PHF13: variants seen among roughly 807,000 people sequenced by gnomAD.
The protein encoded by PHF13 is PHD finger protein 13.
Under a neutral mutation model 25.8 loss-of-function variants are expected in PHF13, and 1 was observed. The ratio of observed to expected loss-of-function variants is 0.04; its 90% CI spans 0.01 to 0.18. The LOEUF (loss-of-function observed/expected upper bound fraction) is 0.18, where lower values mean the gene tolerates loss of function less well. Among genes scored for constraint, PHF13 ranks in the 10% least tolerant of loss-of-function variants. PHF13 has a pLI of 1.00. For missense variants in PHF13, 306 were observed against 403.2 expected (o/e 0.76, Z 2.06); for synonymous variants, 195 against 162.4 (o/e 1.20, Z -1.53).
chr1:6,616,850 C>T lies in PHF13; in HGVS notation c.133C>T (p.Pro45Ser), dbSNP rs1221999951. The T allele has an allele frequency of 6.2e-7, 1 of 1,613,392 alleles. No individual in the cohort carries two copies. The highest frequency in any genetic ancestry group is 8.5e-7 in the Non-Finnish European group (1 of 1,179,454). Residue 45 changes from proline to serine, a missense_variant, in exon 2 of 4, where the codon CCG becomes TCG. By Grantham distance (74) the Pro-to-Ser change is moderately conservative. Coordinates refer to ENST00000377648, the MANE Select transcript of PHF13 (RefSeq NM_153812.3). ...GGCCTATGCTGGCTACATCCCTTAT[C>T]CGAAGGAGGTAATCTTCTGAGTTTC... The part of the protein sequence containing the change: ...VLAYAGYIPY[P>S]KEELPLRSSP...
chr1:6,614,975 C>A (rs1273332724), intron 1 of PHF13, among the ~76,000 whole-genome samples: 2 of 151,492 alleles, frequency 1.3e-5, no homozygotes, highest in Non-Finnish European at 3.0e-5. Flanking sequence ...CAGGGCCTCC[C>A]CAGGCCTGGG....
chr1:6,617,440 T>TTTTG (rs763901606), intron 2 of PHF13, among the ~76,000 whole-genome samples: 7 of 149,692 alleles, frequency 4.7e-5, no homozygotes, highest in Admixed American at 2.7e-4. Context: ...TGCTTGCTCT[T>TTTTG]TTTGTTTGTT....
chr1:6,619,739 G>A (rs950815905), intron 2 of PHF13, 64 bp from the exon 3 acceptor site: 36 of 1,498,474 alleles, frequency 2.4e-5, no homozygotes, highest in Non-Finnish European at 3.2e-5. Context: ...GGTGGCTGGG[G>A]ATGCTCTGCT....
Position 6,620,345 on chromosome 1 carries a change from G to A in PHF13, c.676+8G>A, listed in dbSNP as rs762631147. On this transcript the variant is annotated splice_region_variant and intron_variant, in intron 3 of 3. Coordinates refer to ENST00000377648, the MANE Select transcript of PHF13 (RefSeq NM_153812.3). The stretch of plus-strand genomic sequence containing the variant: ...ACATCATGGTGGACTCAGGTGAGTG[G>A]TCCCTGAAGGATGATGACCCTTGTT... The A allele has an allele frequency of 6.2e-7, 1 of 1,606,568 alleles. No homozygotes were observed. Among genetic ancestry groups the A allele is most frequent in the South Asian group, 1.1e-5 (1 of 90,306 alleles).
At position 6,614,304 on chromosome 1, in the gene PHF13, G is replaced by T. The variant is rs1262666059; in HGVS notation, c.39+199G>T. 2.5e-5 allele frequency: 13 copies of T among 526,306 alleles called. No homozygotes were observed. In the African/African-American group the frequency reaches 2.9e-4, roughly 12 times the overall value. 32.6% of individuals were successfully genotyped at this position (526,306 alleles called of 1,614,324 possible). ...CCTCTCCGCCGGGCCTCGCCTCCGCGTCCCCTCCGCGGACCTCCGCGTCCT... is the reference window on the plus strand; with the variant it reads ...CCTCTCCGCCGGGCCTCGCCTCCGCTTCCCCTCCGCGGACCTCCGCGTCCT... On this transcript the variant is annotated intron_variant, in intron 1 of 3. Transcript: ENST00000377648.
Position 6,619,972 on chromosome 1 carries a change from G to C in PHF13, c.311G>C (p.Ser104Thr), listed in dbSNP as rs762960418. The C allele has an allele frequency of 6.2e-7, 1 of 1,613,754 alleles. No individual in the cohort carries two copies. The highest frequency in any genetic ancestry group is 2.2e-5 in the East Asian group (1 of 44,848). ...ACTCTCTTGCAGCGAGCCAAGCCCA[G>C]TAACTTCCTGCTGGACAGAAAGAAA... ...QPTLLQRAKP[S>T]NFLLDRKKTD... Residue 104 changes from serine to threonine, a missense_variant, in exon 3 of 4, where the codon AGT (serine) becomes ACT (threonine). Coordinates refer to ENST00000377648, the MANE Select transcript of PHF13 (RefSeq NM_153812.3).
rs754356261 is a variant in PHF13, at chr1:6,621,673, G to A, written c.*36G>A. 16 of 1,602,664 alleles carry A rather than the reference G, an allele frequency of 1.0e-5. No homozygotes were observed. The South Asian group carries it at 1.2e-4, about 12-fold the overall frequency. On this transcript the variant is annotated 3_prime_UTR_variant, in exon 4 of 4. Transcript: ENST00000377648. The surrounding 1 kb of genome is among the most constrained non-coding windows in gnomAD (Gnocchi z 4.8). ...GCGAGGAGGCTGCGAGCGTGGAATC[G>A]GAAGCGACCGCGGGCTTTTTTGCCC...
chr1:6,615,001 C>T (rs913084579), intron 1 of PHF13, among the ~76,000 whole-genome samples: 17 of 150,758 alleles, frequency 1.1e-4, no homozygotes, highest in East Asian at 9.8e-4. Context: ...GGAATCCTGC[C>T]TGGCGCACCC....
At chr1:6,616,996 C>G (rs1194870679) in intron 2 of PHF13, 138 bp downstream of exon 2, 1 of 657,852 alleles carries the variant, frequency 1.5e-6, no homozygotes, top group Non-Finnish European at 2.7e-6. Context: ...AGTCACTAGT[C>G]TGGCAGAAAT....
chr1:6,620,262 G>A lies in PHF13; in HGVS notation c.601G>A (p.Val201Ile), dbSNP rs1001489005. Residue 201 changes from valine (V) to isoleucine (I), a missense_variant, in exon 3 of 4, where the codon GTC becomes ATC. Physicochemically the swap from Val to Ile is conservative, Grantham distance 29. Transcript: ENST00000377648. ...AAAAACTGAAGGCAAACGGACTATC[G>A]TCCGGCAGGGAAAGCAGGTGGTGTT... Reference protein sequence around the residue: ...EIKTEGKRTIVRQGKQVVFRD... With the variant: ...EIKTEGKRTIIRQGKQVVFRD... The A allele has an allele frequency of 6.2e-6, 10 of 1,613,798 alleles. No individual in the cohort carries two copies. Among genetic ancestry groups the A allele is most frequent in the Middle Eastern group, 1.6e-4 (1 of 6,084 alleles).
chr1:6,617,727 C>T (rs927592711), intron 2 of PHF13, among the ~76,000 whole-genome samples: 4 of 152,202 alleles, frequency 2.6e-5, no homozygotes, highest in Admixed American at 6.5e-5. Context: ...CTGCACCTGG[C>T]TGTCTGCTTG....
chr1:6,619,713 A>G, intron 2 of PHF13, 90 bp from the exon 3 acceptor site: 1 of 1,308,950 alleles, frequency 7.6e-7, no homozygotes, highest in Admixed American at 2.2e-5. Flanking sequence ...ATGTCTCTGG[A>G]GGTCTGACAT....
intron 1 of PHF13, among the ~76,000 whole-genome samples, chr1:6,616,326 G>A (rs867187811): frequency 2.0e-5 from 3 of 152,118 alleles, no homozygotes; most frequent in Admixed American, 6.5e-5. Context: ...CGCGCCCGGC[G>A]AGTGGTTGAT....
rs1327720797 is a variant in PHF13, at chr1:6,613,959, G to A, written c.-108G>A. On this transcript the variant is annotated 5_prime_UTR_variant, in exon 1 of 4. Coordinates refer to ENST00000377648, the MANE Select transcript of PHF13 (RefSeq NM_153812.3). Reference sequence around the variant, plus strand: ...CCTCCAGCCCGGGCGACCCCTCCCGGGTCCGCCCTCGCCCTGCGCAGCCGC... The same window carrying A: ...CCTCCAGCCCGGGCGACCCCTCCCGAGTCCGCCCTCGCCCTGCGCAGCCGC... The A allele has an allele frequency of 1.5e-6, 1 of 684,314 alleles. No homozygotes were observed. Among genetic ancestry groups the A allele is most frequent in the South Asian group, 1.9e-5 (1 of 53,552 alleles). The allele number at this position is 684,314 out of a possible 1,614,324, so 42.4% of individuals were successfully genotyped here.
At chr1:6,616,716 C>T (rs1641266938) in intron 1 of PHF13, 41 bp from the exon 2 acceptor site, 4 of 1,532,598 alleles carry the variant, frequency 2.6e-6, no homozygotes, top group Non-Finnish European at 3.6e-6. Context: ...CGCCTGGAAG[C>T]CTCTCCTTCA....
In PHF13 at chr1:6,623,378, G is replaced by C. The variant is rs1189581090; in HGVS notation, c.*1741G>C. On this transcript the variant is annotated 3_prime_UTR_variant, in exon 4 of 4. Coordinates refer to ENST00000377648, the MANE Select transcript of PHF13 (RefSeq NM_153812.3). Reference sequence around the variant, plus strand: ...TAGAGAAAAATAGTAAGCTGGTTTAGAAACTGACGAGGGCAAACAGCCAGG... The same window carrying C: ...TAGAGAAAAATAGTAAGCTGGTTTACAAACTGACGAGGGCAAACAGCCAGG... 6.6e-6 allele frequency: 1 copy of C among 152,662 alleles called. No homozygotes were observed. Among genetic ancestry groups the C allele is most frequent in the African/African-American group, 2.4e-5 (1 of 41,466 alleles). 9.5% of individuals were successfully genotyped at this position (152,662 alleles called of 1,614,324 possible). A position where few individuals can be genotyped will look rare whatever the true frequency, so the allele number is the denominator to read the frequency against.
chr1:6,619,820 C>A lies in PHF13; in HGVS notation c.159C>A (p.Ser53Arg). The A allele has an allele frequency of 6.2e-7, 1 of 1,602,168 alleles. No individual in the cohort carries two copies. Among genetic ancestry groups the A allele is most frequent in the East Asian group, 2.2e-5 (1 of 44,698 alleles). ...PYPKEELPLR[S>R]SPSPANSTAG... ...CTTTTTAGGAACTCCCTTTAAGGAG[C>A]AGCCCCAGCCCTGCTAACAGCACTG... The change falls in exon 3 of 4, where the codon AGC becomes AGA. Residue 53 changes from serine (S) to arginine (R), a missense_variant. Around this residue, in one of 5 missense-constraint regions of PHF13, gnomAD observed 36 missense variants for 76.0 expected, o/e 0.47. Transcript: ENST00000377648.
In PHF13 at chr1:6,620,034, A is replaced by G. The variant is rs1227476555; in HGVS notation, c.373A>G (p.Arg125Gly). 6.2e-7 allele frequency: 1 copy of G among 1,613,774 alleles called. No homozygotes were observed. Among genetic ancestry groups the G allele is most frequent in the Admixed American group, 1.7e-5 (1 of 59,992 alleles). The change falls in exon 3 of 4, where the codon AGG (arginine) becomes GGG (glycine). Residue 125 changes from arginine to glycine, a missense_variant. This residue lies in a region of PHF13 where 186 missense variants were observed against 164.0 expected (regional missense o/e 1.13). Transcript: ENST00000377648. ...KLKKKKKRKR[R>G]DSDAPGKEGY... ...GAAGAAGAAGAAGAAGAGGAAGCGCAGGGACAGTGATGCGCCTGGGAAAGA... is the reference window on the plus strand; with the variant it reads ...GAAGAAGAAGAAGAAGAGGAAGCGCGGGGACAGTGATGCGCCTGGGAAAGA...
In PHF13 at chr1:6,622,769, C is replaced by T. The variant is rs1641359362; in HGVS notation, c.*1132C>T. ...GACCCCTTGGAACTGTGCCGAGTTC[C>T]TTAAATCTCAGCTGGGATCCTGGAC... On this transcript the variant is annotated 3_prime_UTR_variant, in exon 4 of 4. Coordinates refer to ENST00000377648, the MANE Select transcript of PHF13 (RefSeq NM_153812.3). 1 of 152,188 alleles carries T rather than the reference C, an allele frequency of 6.6e-6. No homozygotes were observed. Among genetic ancestry groups the T allele is most frequent in the Non-Finnish European group, 1.5e-5 (1 of 68,062 alleles). 9.4% of individuals were successfully genotyped at this position (152,188 alleles called of 1,614,324 possible).
Sources: gnomAD v4.1 joint callset for allele counts (sites outside exome capture counted in the v4.1 genomes callset) on GRCh38, gnomAD v4.1.1 for gene constraint, gnomAD v4.1.1 regional missense constraint, Gnocchi (gnomAD v3.1) non-coding constraint, MANE v1.5 for transcripts, NCBI Gene and HGNC (gene_info 2026-07-23, HGNC 2026-07-21) for gene names.